The following ASB2 variants were observed in gnomAD, a reference collection of about 807,000 sequenced individuals.
The protein encoded by ASB2 is ankyrin repeat and SOCS box protein 2.
ASB2 carries 58 observed loss-of-function variants against 62.4 expected under a neutral mutation model. That is an observed-to-expected ratio of 0.93 (90% CI 0.75 to 1.16). The LOEUF (loss-of-function observed/expected upper bound fraction) is 1.16. ASB2 is among the 50% of genes most tolerant of loss of function. The pLI, the probability that ASB2 is intolerant of heterozygous loss-of-function variation, is 0.00. For synonymous variants in ASB2, 386 were observed against 385.3 expected, an observed-to-expected ratio of 1.00 and a Z score of -0.02; for missense variants, 928 against 887.9, an observed-to-expected ratio of 1.05 and a Z score of -0.57.
intron 7 of ASB2, among the ~76,000 whole-genome samples, chr14:93,943,656 C>T (rs1888615951): frequency 6.6e-6 from 1 of 152,124 alleles, no homozygotes; most frequent in African/African-American, 2.4e-5. Flanking sequence ...AAACAAACAA[C>T]AACAAAAACA....
chr14:93,953,393 G>A lies in ASB2; in HGVS notation c.593C>T (p.Pro198Leu), dbSNP rs1394367354. The change falls in exon 5 of 10, where the codon CCG becomes CTG. Residue 198 changes from proline to leucine, a missense_variant. By Grantham distance (98) the Pro-to-Leu change is moderately conservative. Transcript: ENST00000555019. ...LLSLLQAGAEPDISNKSRETP... is the reference protein window; with the variant it reads ...LLSLLQAGAELDISNKSRETP... ...CTCTCGGGATTTGTTGGAGATGTCC[G>A]GCTCTGCCCCTGCTTGGAGCAGTGA... 5.6e-6 allele frequency: 9 copies of A among 1,599,316 alleles called. No homozygotes were observed. The highest frequency in any genetic ancestry group is 2.3e-5 in the East Asian group (1 of 44,304).
chr14:93,954,461 C>T lies in ASB2; in HGVS notation c.334G>A (p.Ala112Thr). Residue 112 changes from alanine (A) to threonine (T), a missense_variant, in exon 4 of 10, where the codon GCC becomes ACC. By Grantham distance (58) the Ala-to-Thr change is moderately conservative. Coordinates refer to ENST00000555019, the MANE Select transcript of ASB2 (RefSeq NM_001202429.2). ...QLAPADPLIK[A>T]IKDGDEEALK... ...GCCTCTTCATCGCCATCCTTGATGG[C>T]CTTTATCAAGGGGTCCGCAGGCCTG... 1.2e-6 allele frequency: 2 copies of T among 1,614,174 alleles called. No homozygotes were observed. The highest frequency in any genetic ancestry group is 1.7e-6 in the Non-Finnish European group (2 of 1,180,008).
chr14:93,946,134 A>G (rs1476897531), intron 7 of ASB2, among the ~76,000 whole-genome samples: 2 of 152,254 alleles, frequency 1.3e-5, no homozygotes, highest in Non-Finnish European at 2.9e-5. Context: ...CAGTTTGGGA[A>G]GCACTGTCCA....
intron 1 of ASB2, among the ~76,000 whole-genome samples, chr14:93,971,947 G>A (rs937044023): frequency 4.7e-5 from 7 of 149,986 alleles, no homozygotes; most frequent in South Asian, 2.1e-4. Flanking sequence ...CTACATACAC[G>A]CTACATGTAT....
chr14:93,946,881 G>A lies in ASB2; in HGVS notation c.1052+468C>T, dbSNP rs552761606. Among the ~76,000 whole-genome samples, 21 of 152,232 alleles carry A rather than the reference G, an allele frequency of 1.4e-4. No homozygotes were observed. In the South Asian group the frequency reaches 2.9e-3, roughly 21 times the overall value. On this transcript the variant is annotated intron_variant, in intron 7 of 9. Coordinates refer to ENST00000555019, the MANE Select transcript of ASB2 (RefSeq NM_001202429.2). Reference sequence around the variant, plus strand: ...GTTATCCTTGCATTCCTGTACTCCCGGAAATATTCATTAGCTCAGACTCAT... The same window carrying A: ...GTTATCCTTGCATTCCTGTACTCCCAGAAATATTCATTAGCTCAGACTCAT...
In ASB2 at chr14:93,934,239, T is replaced by C. The variant is rs1374425999; in HGVS notation, c.*417A>G. On this transcript the variant is annotated 3_prime_UTR_variant, in exon 10 of 10. Transcript: ENST00000555019. ...ACCCAGGCTCCCCCTACCCCCTACC[T>C]TGGGCCACGTCTTCATCTTAGTCTT... 2.2e-6 allele frequency: 1 copy of C among 457,272 alleles called. No individual in the cohort carries two copies. The highest frequency in any genetic ancestry group is 6.9e-5 in the East Asian group (1 of 14,464). The allele number at this position is 457,272 out of a possible 1,614,324, so 28.3% of individuals were successfully genotyped here.
intron 5 of ASB2, among the ~76,000 whole-genome samples, chr14:93,952,832 G>GTAC (rs1447664327): frequency 2.0e-5 from 3 of 152,250 alleles, no homozygotes; most frequent in Non-Finnish European, 4.4e-5. Flanking sequence ...TTGACTCTGG[G>GTAC]TACTGCTAGG....
chr14:93,973,144 C>T (rs1373830302), intron 1 of ASB2, among the ~76,000 whole-genome samples: 1 of 152,134 alleles, frequency 6.6e-6, no homozygotes, highest in Non-Finnish European at 1.5e-5. Context: ...GGTGTGACTG[C>T]CCCTACATAA....
intron 3 of ASB2, among the ~76,000 whole-genome samples, chr14:93,956,335 G>A (rs572949294): frequency 5.4e-4 from 82 of 152,296 alleles, no homozygotes; most frequent in African/African-American, 1.3e-3. Context: ...TACCCACAGC[G>A]ATGGCATGGG....
intron 1 of ASB2, 59 bp from the exon 2 acceptor site, chr14:93,964,671 C>A: frequency 1.3e-6 from 1 of 776,700 alleles, no homozygotes; most frequent in Non-Finnish European, 2.1e-6. Context: ...GCTATATTTA[C>A]CCTCAGGGAA....
intron 8 of ASB2, 152 bp from the exon 9 acceptor site, chr14:93,938,003 T>C: frequency 1.3e-6 from 1 of 755,022 alleles, no homozygotes; most frequent in Non-Finnish European, 2.0e-6. Flanking sequence ...AGGCTTCTGC[T>C]GCCCAAAGTG....
Position 93,947,491 on chromosome 14 carries a change from T to A in ASB2, c.910A>T (p.Asn304Tyr). The change falls in exon 7 of 10, where the codon AAC becomes TAC. Residue 304 changes from asparagine to tyrosine, a missense_variant. Transcript: ENST00000555019. ...GADINTQASD[N>Y]ASALYEACKN... Reference sequence around the variant, plus strand: ...CAGGCCTCGTAGAGGGCAGACGCGTTGTCGCTGGCCTGCGTGTTGATGTCA... The same window carrying A: ...CAGGCCTCGTAGAGGGCAGACGCGTAGTCGCTGGCCTGCGTGTTGATGTCA... 6.2e-7 allele frequency: 1 copy of A among 1,614,170 alleles called. No homozygotes were observed. Among genetic ancestry groups the A allele is most frequent in the Non-Finnish European group, 8.5e-7 (1 of 1,180,038 alleles).
intron 1 of ASB2, among the ~76,000 whole-genome samples, chr14:93,969,650 C>T (rs1280203076): frequency 1.3e-5 from 2 of 152,146 alleles, no homozygotes; most frequent in African/African-American, 4.8e-5. Flanking sequence ...TAGCCCTTTC[C>T]CAAGGAAAGC....
At chr14:93,950,240 G>C (rs1020030105) in intron 6 of ASB2, among the ~76,000 whole-genome samples, 2 of 152,344 alleles carry the variant, frequency 1.3e-5, no homozygotes, top group Admixed American at 1.3e-4. Flanking sequence ...TGGCTTCTCT[G>C]TTGCTAGAGA....
intron 1 of ASB2, among the ~76,000 whole-genome samples, chr14:93,965,996 C>T (rs1024532616): frequency 8.5e-5 from 13 of 152,232 alleles, no homozygotes; most frequent in African/African-American, 3.1e-4. Flanking sequence ...AGGCCCAGGG[C>T]AAGTGCCCCT....
chr14:93,967,728 T>C (rs1567032770), intron 1 of ASB2, among the ~76,000 whole-genome samples: 1 of 152,016 alleles, frequency 6.6e-6, no homozygotes, highest in Admixed American at 6.6e-5. Flanking sequence ...AACCTCAAAT[T>C]CTCTGTCCCT....
chr14:93,952,178 T>C (rs1336143801), intron 5 of ASB2, among the ~76,000 whole-genome samples: 1 of 152,210 alleles, frequency 6.6e-6, no homozygotes, highest in African/African-American at 2.4e-5. Flanking sequence ...ATCTGTAAAA[T>C]GGAGAGAATA....
intron 2 of ASB2, among the ~76,000 whole-genome samples, chr14:93,963,685 A>G (rs1889483835): frequency 6.6e-6 from 1 of 152,254 alleles, no homozygotes; most frequent in Admixed American, 6.5e-5. Flanking sequence ...ATAATTTTAT[A>G]TTGATGGAAA....
Position 93,934,431 on chromosome 14 carries a change from T to C in ASB2, c.*225A>G, listed in dbSNP as rs1018450828. The stretch of plus-strand genomic sequence containing the variant: ...GTAGAGAAGGTCTGGGATCTGCTCA[T>C]CAGTTTGTAAACAAATGATTCTTCT... On this transcript the variant is annotated 3_prime_UTR_variant, in exon 10 of 10. Transcript: ENST00000555019. 5 of 557,604 alleles carry C rather than the reference T, an allele frequency of 9.0e-6. No homozygotes were observed. The highest frequency in any genetic ancestry group is 1.3e-5 in the Non-Finnish European group (4 of 311,158). The allele number at this position is 557,604 out of a possible 1,614,324, so 34.5% of individuals were successfully genotyped here. A position where few individuals can be genotyped will look rare whatever the true frequency, so the allele number is the denominator to read the frequency against.
Sources: allele counts gnomAD v4.1 joint callset (sites outside exome capture counted in the v4.1 genomes callset), GRCh38; gene constraint gnomAD v4.1.1; transcripts MANE v1.5; gene names NCBI Gene and HGNC (gene_info 2026-07-23, HGNC 2026-07-21).